EAF1: variants seen among roughly 807,000 people sequenced by gnomAD.
The protein encoded by EAF1 is ELL-associated factor 1.
EAF1 carries 19 observed loss-of-function variants against 26.6 expected under a neutral mutation model. That is an observed-to-expected ratio of 0.71 (90% CI 0.50 to 1.05). The LOEUF is 1.05. EAF1 is among the 50% of genes least tolerant of loss of function. The probability of loss-of-function intolerance (pLI) is 0.00; values close to 1 mark genes in which losing one functional copy is unlikely to be tolerated. For synonymous variants in EAF1, 102 were observed against 120.6 expected, an observed-to-expected ratio of 0.85 and a Z score of 1.01; for missense variants, 260 against 335.5, an observed-to-expected ratio of 0.78 and a Z score of 1.76.
chr3:15,432,233 T>C lies in EAF1; in HGVS notation c.335+10T>C. The C allele has an allele frequency of 6.2e-7, 1 of 1,613,940 alleles. No individual in the cohort carries two copies. The highest frequency in any genetic ancestry group is 8.5e-7 in the Non-Finnish European group (1 of 1,179,902). ...AGGTGAAGAAAACAAGGTATGTGAA[T>C]AGCCAGATGCAGGTTTATATCATGT... On this transcript the variant is annotated intron_variant, in intron 3 of 5. Coordinates refer to ENST00000396842, the MANE Select transcript of EAF1 (RefSeq NM_033083.7).
chr3:15,429,724 C>A (rs982096482), intron 1 of EAF1, among the ~76,000 whole-genome samples, 189 bp from the exon 2 acceptor site: 1 of 152,172 alleles, frequency 6.6e-6, no homozygotes, highest in Non-Finnish European at 1.5e-5. Flanking sequence ...TATACCAGGT[C>A]TCATTGTACG....
Position 15,437,304 on chromosome 3 carries a change from G to A in EAF1, c.760+729G>A, listed in dbSNP as rs908031389. Among the ~76,000 whole-genome samples the A allele has an allele frequency of 6.3e-5, 9 of 142,898 alleles. No homozygotes were observed. The South Asian group carries it at 1.1e-3, about 18-fold the overall frequency. The allele number at this position is 142,898 out of a possible 152,430, so 93.7% of individuals were successfully genotyped here. A position where few individuals can be genotyped will look rare whatever the true frequency, so the allele number is the denominator to read the frequency against. On this transcript the variant is annotated intron_variant, in intron 5 of 5. Coordinates refer to ENST00000396842, the MANE Select transcript of EAF1 (RefSeq NM_033083.7). Reference sequence around the variant, plus strand: ...CTTGATCTGTTGTCCAGGCTGGAGTGCAGCGGCATGATCCTTTTTTTTTTT... The same window carrying A: ...CTTGATCTGTTGTCCAGGCTGGAGTACAGCGGCATGATCCTTTTTTTTTTT...
intron 4 of EAF1, among the ~76,000 whole-genome samples, chr3:15,434,985 G>C (rs371161865): frequency 6.6e-6 from 1 of 152,318 alleles, no homozygotes; most frequent in African/African-American, 2.4e-5. Flanking sequence ...CTGTGAGGCA[G>C]GAGGATCGCT....
At chr3:15,433,226 T>C (rs1323155629) in intron 3 of EAF1, 2 of 139,736 alleles carry the variant, frequency 1.4e-5, no homozygotes, top group South Asian at 2.2e-4. Flanking sequence ...CGAAAGGTGC[T>C]ATTATCTAAA....
At chr3:15,429,290 A>C (rs1452190852) in intron 1 of EAF1, among the ~76,000 whole-genome samples, 3 of 152,080 alleles carry the variant, frequency 2.0e-5, no homozygotes, top group Non-Finnish European at 4.4e-5. Context: ...GCTTGAGCCC[A>C]GGAGTTTGAG....
intron 4 of EAF1, among the ~76,000 whole-genome samples, 167 bp downstream of exon 4, chr3:15,434,705 G>A (rs2061824387): frequency 6.6e-6 from 1 of 152,190 alleles, no homozygotes; most frequent in Admixed American, 6.5e-5. Flanking sequence ...GGGGGCTTCT[G>A]CCACTTACCT....
At chr3:15,429,210 T>C (rs6803465) in intron 1 of EAF1, among the ~76,000 whole-genome samples, 25,296 of 152,108 alleles carry the variant, frequency 0.17, 4,164 homozygotes, top group African/African-American at 0.43. Flanking sequence ...TTGTTAAAGC[T>C]GTGGAACTGG....
intron 3 of EAF1, 48 bp downstream of exon 3, chr3:15,432,271 G>A (rs530600531): frequency 1.2e-6 from 2 of 1,602,490 alleles, no homozygotes; most frequent in Non-Finnish European, 1.7e-6. Context: ...CCAAACCTCT[G>A]TTATCTATTC....
At chr3:15,430,459 C>CTAA (rs2061795798) in intron 2 of EAF1, among the ~76,000 whole-genome samples, 11 of 129,982 alleles carry the variant, frequency 8.5e-5, no homozygotes, top group South Asian at 2.5e-4. Flanking sequence ...GACTCCCCCT[C>CTAA]AAAAAAAAAA....
At chr3:15,429,435 C>G (rs1355834437) in intron 1 of EAF1, among the ~76,000 whole-genome samples, 1 of 152,102 alleles carries the variant, frequency 6.6e-6, no homozygotes, top group Non-Finnish European at 1.5e-5. Flanking sequence ...TTTGATGATG[C>G]TGTGGCCTTT....
chr3:15,427,603 TCACCC>T lies in EAF1; in HGVS notation c.-175_-171del. On this transcript the variant is annotated 5_prime_UTR_variant, in exon 1 of 6. Transcript: ENST00000396842. ...GGCCTTGCCTCCTCAGATTCCTCTCTCACCCCCACGCAGAGGAGAGAACTTGCTTC... is the reference window on the plus strand; with the variant it reads ...GGCCTTGCCTCCTCAGATTCCTCTCTCCACGCAGAGGAGAGAACTTGCTTC... 1.6e-6 allele frequency: 1 copy of T among 613,456 alleles called. No homozygotes were observed. Among genetic ancestry groups the T allele is most frequent in the Non-Finnish European group, 2.9e-6 (1 of 349,218 alleles). The allele number at this position is 613,456 out of a possible 1,614,324, so 38.0% of individuals were successfully genotyped here. A position where few individuals can be genotyped will look rare whatever the true frequency, so the allele number is the denominator to read the frequency against.
rs2061758348 is a variant in EAF1, at chr3:15,427,602, C to T, written c.-178C>T. The stretch of plus-strand genomic sequence containing the variant: ...CGGCCTTGCCTCCTCAGATTCCTCT[C>T]TCACCCCCACGCAGAGGAGAGAACT... On this transcript the variant is annotated 5_prime_UTR_variant, in exon 1 of 6. Coordinates refer to ENST00000396842, the MANE Select transcript of EAF1 (RefSeq NM_033083.7). 6 of 613,868 alleles carry T rather than the reference C, an allele frequency of 9.8e-6. No homozygotes were observed. Among genetic ancestry groups the T allele is most frequent in the East Asian group, 6.0e-5 (2 of 33,186 alleles). 38.0% of individuals were successfully genotyped at this position (613,868 alleles called of 1,614,324 possible). A position where few individuals can be genotyped will look rare whatever the true frequency, so the allele number is the denominator to read the frequency against.
At chr3:15,435,834 G>A (rs1232609896) in intron 4 of EAF1, among the ~76,000 whole-genome samples, 3 of 152,196 alleles carry the variant, frequency 2.0e-5, no homozygotes. Flanking sequence ...CTTAGAGGCT[G>A]TCTGGTTTTC....
intron 4 of EAF1, among the ~76,000 whole-genome samples, chr3:15,436,003 G>C (rs1394335570): frequency 6.6e-6 from 1 of 152,108 alleles, no homozygotes; most frequent in African/African-American, 2.4e-5. Flanking sequence ...GGGAATTATG[G>C]TTTTATCCCA....
intron 5 of EAF1, among the ~76,000 whole-genome samples, chr3:15,436,927 A>C (rs1039284539): frequency 2.0e-5 from 3 of 152,004 alleles, no homozygotes; most frequent in Non-Finnish European, 4.4e-5. Flanking sequence ...ACAGAGTCTC[A>C]CTCTGTCGCC....
intron 2 of EAF1, among the ~76,000 whole-genome samples, chr3:15,430,857 C>T (rs533265364): frequency 2.3e-4 from 35 of 152,242 alleles, no homozygotes; most frequent in African/African-American, 7.9e-4. Flanking sequence ...GCATGTCACA[C>T]CCCTGTCCTG....
At position 15,437,530 on chromosome 3, in the gene EAF1, A is replaced by T. The variant is rs113165858; in HGVS notation, c.760+955A>T. ...CTTGAACTCCTCCTGGGTACAAGTA[A>T]TTTCCCCAACTGCCGAAGTGCTGTG... On this transcript the variant is annotated intron_variant, in intron 5 of 5. Coordinates refer to ENST00000396842, the MANE Select transcript of EAF1 (RefSeq NM_033083.7). 6.3e-3 allele frequency among the ~76,000 whole-genome samples: 958 copies of T among 151,596 alleles called. 8 individuals carry two copies. The highest frequency in any genetic ancestry group is 0.022 in the African/African-American group (899 of 41,290).
In EAF1 at chr3:15,439,203, G is replaced by A. The variant is rs766930936; in HGVS notation, c.*48G>A. ...TTTTTGGTGCACAAACATGCCGCAA[G>A]ACTGAGCTACTTTGGCGTGGAGTCC... On this transcript the variant is annotated 3_prime_UTR_variant, in exon 6 of 6. Transcript: ENST00000396842. The A allele has an allele frequency of 6.3e-7, 1 of 1,593,150 alleles. No homozygotes were observed. The highest frequency in any genetic ancestry group is 8.6e-7 in the Non-Finnish European group (1 of 1,166,146).
At chr3:15,434,971 G>A (rs533238749) in intron 4 of EAF1, among the ~76,000 whole-genome samples, 1 of 152,174 alleles carries the variant, frequency 6.6e-6, no homozygotes, top group African/African-American at 2.4e-5. Context: ...TGTAGTTTCA[G>A]CTACTGTGAG....
Sources: allele counts gnomAD v4.1 joint callset (sites outside exome capture counted in the v4.1 genomes callset), GRCh38; gene constraint gnomAD v4.1.1; transcripts MANE v1.5; gene names NCBI Gene and HGNC (gene_info 2026-07-23, HGNC 2026-07-21).